The following ABTB3 variants were observed in gnomAD, a reference collection of about 807,000 sequenced individuals.
The protein encoded by ABTB3 is ankyrin repeat and BTB domain containing 3, also known as ankyrin repeat- and BTB/POZ domain-containing protein 3.
chr12:107,344,215 G>A, the ABTB3 span, among the ~76,000 whole-genome samples: 137 of 152,256 alleles, frequency 9.0e-4, 2 homozygotes, highest in Non-Finnish European at 1.6e-3. Context: ...TTTAAGCAGC[G>A]TCACTGGATG....
chr12:107,624,722 A>C, the ABTB3 span, among the ~76,000 whole-genome samples: 5 of 152,172 alleles, frequency 3.3e-5, no homozygotes, highest in African/African-American at 1.2e-4. Flanking sequence ...CAGTTTGTTT[A>C]AGCACCCAAC....
chr12:107,564,088 C>A, the ABTB3 span, among the ~76,000 whole-genome samples: 1 of 137,950 alleles, frequency 7.2e-6, no homozygotes, highest in Non-Finnish European at 1.6e-5. Context: ...CTATCTATCT[C>A]TCTGTGTGTG....
the ABTB3 span, among the ~76,000 whole-genome samples, chr12:107,377,647 C>T: frequency 2.6e-5 from 4 of 152,070 alleles, no homozygotes; most frequent in Non-Finnish European, 4.4e-5. Context: ...TCTGGTTAGA[C>T]GAATAACTCT....
chr12:107,624,173 GGGGCAAAGTGT>G, the ABTB3 span, among the ~76,000 whole-genome samples: 1 of 151,456 alleles, frequency 6.6e-6, no homozygotes, highest in Non-Finnish European at 1.5e-5. Context: ...GTTTTAGATA[GGGGCAAAGTGT>G]GATCGGTGGG....
the ABTB3 span, among the ~76,000 whole-genome samples, chr12:107,654,815 T>TACACACACACACACACACACAC: frequency 8.5e-5 from 12 of 141,216 alleles, no homozygotes; most frequent in African/African-American, 3.2e-4. Flanking sequence ...CTACATTGTA[T>TACACACACACACACACACACAC]ACACACACAC....
At chr12:107,395,182 T>C in the ABTB3 span, among the ~76,000 whole-genome samples, 1 of 152,204 alleles carries the variant, frequency 6.6e-6, no homozygotes, top group Admixed American at 6.5e-5. Context: ...TGCCATTGAG[T>C]TGACCTGTTT....
chr12:107,404,024 G>A, the ABTB3 span, among the ~76,000 whole-genome samples: 245 of 152,016 alleles, frequency 1.6e-3, 4 homozygotes, highest in East Asian at 0.042. Flanking sequence ...TTAGCTGGAC[G>A]TAGTGGCAGG....
chr12:107,494,886 C>T, the ABTB3 span, among the ~76,000 whole-genome samples: 22 of 152,178 alleles, frequency 1.4e-4, 1 homozygote, highest in African/African-American at 1.9e-4. Flanking sequence ...AATCAAAGCA[C>T]GGCAAGATGG....
chr12:107,640,322 C>A, the ABTB3 span: 104 of 1,568,464 alleles, frequency 6.6e-5, no homozygotes, highest in Non-Finnish European at 8.1e-5. Flanking sequence ...TCCTCATTTT[C>A]TTAACAATAA....
chr12:107,505,491 G>A, the ABTB3 span, among the ~76,000 whole-genome samples: 6 of 151,988 alleles, frequency 3.9e-5, no homozygotes, highest in Non-Finnish European at 5.9e-5. Context: ...GGAAAAGGTG[G>A]ATTATTCAGC....
chr12:107,426,104 C>T, the ABTB3 span, among the ~76,000 whole-genome samples: 1 of 147,862 alleles, frequency 6.8e-6, no homozygotes, highest in Non-Finnish European at 1.5e-5. Context: ...ATCTCCTTTT[C>T]GACTCCTCTC....
chr12:107,360,477 C>T, the ABTB3 span, among the ~76,000 whole-genome samples: 5 of 152,178 alleles, frequency 3.3e-5, no homozygotes, highest in Non-Finnish European at 7.3e-5. Context: ...TGAATGTTTT[C>T]TCTAGGCTAT....
At chr12:107,357,485 C>T in the ABTB3 span, among the ~76,000 whole-genome samples, 1 of 152,114 alleles carries the variant, frequency 6.6e-6, no homozygotes, top group Non-Finnish European at 1.5e-5. Context: ...GTAGCATGCA[C>T]CTGTAGTCTC....
the ABTB3 span, among the ~76,000 whole-genome samples, chr12:107,395,596 C>T: frequency 6.6e-6 from 1 of 152,316 alleles, no homozygotes; most frequent in African/African-American, 2.4e-5. Context: ...CAATCACATG[C>T]ACCCCCTGCT....
At chr12:107,404,515 C>T in the ABTB3 span, among the ~76,000 whole-genome samples, 2 of 152,070 alleles carry the variant, frequency 1.3e-5, no homozygotes, top group South Asian at 4.2e-4. Flanking sequence ...CTCTAAAATG[C>T]ATACTAGAGA....
the ABTB3 span, among the ~76,000 whole-genome samples, chr12:107,400,951 G>A: frequency 7.9e-5 from 12 of 152,250 alleles, no homozygotes; most frequent in East Asian, 1.9e-3. Flanking sequence ...TGAGTTTGTC[G>A]AGGAGCGATC....
chr12:107,617,041 C>G, the ABTB3 span: 1 of 1,578,126 alleles, frequency 6.3e-7, no homozygotes, highest in South Asian at 1.1e-5. Flanking sequence ...GACACCTGTG[C>G]ACAGTGTATC....
At chr12:107,635,257 A>G in the ABTB3 span, 1 of 1,606,090 alleles carries the variant, frequency 6.2e-7, no homozygotes, top group Non-Finnish European at 8.5e-7. Context: ...AGCCCCCTGT[A>G]TCATGACCTC....
chr12:107,602,126 A>T, the ABTB3 span, among the ~76,000 whole-genome samples: 7 of 152,214 alleles, frequency 4.6e-5, no homozygotes, highest in Non-Finnish European at 1.0e-4. Flanking sequence ...CGAGCCTGGT[A>T]GGGTAGGCCC....
Sources: gnomAD v4.1 joint callset for allele counts (sites outside exome capture counted in the v4.1 genomes callset) on GRCh38, gnomAD v4.1.1 for gene constraint, MANE v1.5 for transcripts, NCBI Gene and HGNC (gene_info 2026-07-23, HGNC 2026-07-21) for gene names.